RIMS1: variants seen among roughly 807,000 people sequenced by gnomAD.
The protein encoded by RIMS1 is regulating synaptic membrane exocytosis 1.
RIMS1 carries 83 observed loss-of-function variants against 214.1 expected under a neutral mutation model. That is an observed-to-expected ratio of 0.39 (90% CI 0.32 to 0.47). RIMS1 has a LOEUF of 0.47. RIMS1 is among the 20% of genes least tolerant of loss of function. The pLI is 0.99. For synonymous variants in RIMS1, 793 were observed against 786.8 expected (o/e 1.01, Z -0.13); for missense variants, 2,050 against 2,161.8 (o/e 0.95, Z 1.03).
In RIMS1 at chr6:72,333,769, C is replaced by T; in HGVS notation, c.4300C>T (p.Leu1434Phe). Residue 1434 changes from leucine (L) to phenylalanine (F), a missense_variant, in exon 29 of 34, where the codon CTT (leucine) becomes TTT (phenylalanine). Transcript: ENST00000521978. ...AGGTGGAAAGAAACGGAGATCCAGC[C>T]TTAGTGCCAAAGTGGTTGCCATAGT... ...GAGGKKRRSS[L>F]SAKVVAIVSR... The T allele has an allele frequency of 3.8e-6, 6 of 1,599,114 alleles. No individual in the cohort carries two copies. The highest frequency in any genetic ancestry group is 5.1e-6 in the Non-Finnish European group (6 of 1,172,738).
chr6:72,057,146 T>G (rs1826405693), intron 2 of RIMS1, among the ~76,000 whole-genome samples: 1 of 152,176 alleles, frequency 6.6e-6, no homozygotes, highest in Non-Finnish European at 1.5e-5. Flanking sequence ...AACCTGCATT[T>G]GTACCCCAAA....
At chr6:72,023,942 C>CA (rs1015604633) in intron 2 of RIMS1, among the ~76,000 whole-genome samples, 5 of 151,992 alleles carry the variant, frequency 3.3e-5, no homozygotes, top group Admixed American at 2.6e-4. Context: ...TGTAAGCTAA[C>CA]ATGGAAAGGT....
intron 2 of RIMS1, among the ~76,000 whole-genome samples, chr6:72,093,124 A>G (rs1356883233): frequency 2.0e-5 from 3 of 151,594 alleles, no homozygotes; most frequent in South Asian, 2.1e-4. Flanking sequence ...CTCCGCCACT[A>G]GCTTAAGAAA....
At chr6:72,065,256 G>A (rs1003994738) in intron 2 of RIMS1, among the ~76,000 whole-genome samples, 1 of 152,082 alleles carries the variant, frequency 6.6e-6, no homozygotes, top group Non-Finnish European at 1.5e-5. Context: ...CAAGGCTCCT[G>A]TCTCATCTGC....
In RIMS1 at chr6:72,242,448, A is replaced by G. The variant is rs1232070621; in HGVS notation, c.2081+11A>G. The G allele has an allele frequency of 6.5e-7, 1 of 1,530,454 alleles. No homozygotes were observed. The highest frequency in any genetic ancestry group is 2.2e-5 in the Admixed American group (1 of 46,340). The allele number at this position is 1,530,454 out of a possible 1,614,324, so 94.8% of individuals were successfully genotyped here. A position where few individuals can be genotyped will look rare whatever the true frequency, so the allele number is the denominator to read the frequency against. On this transcript the variant is annotated intron_variant, in intron 10 of 33. Coordinates refer to ENST00000521978, the MANE Select transcript of RIMS1 (RefSeq NM_014989.7). The stretch of plus-strand genomic sequence containing the variant: ...TTCAAGGCCTATTGGGTAAGGCTAA[A>G]AAAACTTACTTCTTAAGTTTAGTAA...
intron 2 of RIMS1, among the ~76,000 whole-genome samples, chr6:72,046,878 T>G (rs1211776350): frequency 1.3e-5 from 2 of 152,114 alleles, no homozygotes; most frequent in Non-Finnish European, 2.9e-5. Flanking sequence ...TATAAAAAAC[T>G]ACAATAATAC....
chr6:72,396,262 C>T (rs1002137201), intron 31 of RIMS1, among the ~76,000 whole-genome samples: 4 of 151,994 alleles, frequency 2.6e-5, no homozygotes, highest in Admixed American at 6.6e-5. Context: ...TATCTGTTAA[C>T]GTTTCTACAA....
chr6:72,205,994 G>T (rs2052838099), intron 6 of RIMS1, among the ~76,000 whole-genome samples: 1 of 152,064 alleles, frequency 6.6e-6, no homozygotes, highest in African/African-American at 2.4e-5. Flanking sequence ...TTACATATGT[G>T]CACAGAGAAC....
intron 2 of RIMS1, among the ~76,000 whole-genome samples, chr6:71,973,951 G>A (rs1469147876): frequency 2.0e-5 from 3 of 151,266 alleles, no homozygotes; most frequent in Admixed American, 6.6e-5. Context: ...ATAGAGCAAG[G>A]GGGCACTAGC....
At chr6:72,339,509 C>A (rs939807195) in intron 29 of RIMS1, among the ~76,000 whole-genome samples, 5 of 151,868 alleles carry the variant, frequency 3.3e-5, no homozygotes, top group African/African-American at 1.2e-4. Context: ...GTTCAATTCC[C>A]AGCTGTGAGT....
At chr6:72,365,499 T>C (rs1183976415) in intron 29 of RIMS1, among the ~76,000 whole-genome samples, 1 of 152,204 alleles carries the variant, frequency 6.6e-6, no homozygotes, top group Non-Finnish European at 1.5e-5. Flanking sequence ...TCACTTGCAG[T>C]TTTGAGGCAG....
At chr6:72,111,698 T>G (rs2036120296) in intron 4 of RIMS1, among the ~76,000 whole-genome samples, 1 of 152,178 alleles carries the variant, frequency 6.6e-6, no homozygotes, top group Non-Finnish European at 1.5e-5. Context: ...TTGAAAAGTC[T>G]ATGAAAGATG....
chr6:71,900,900 A>G (rs1423956845), intron 1 of RIMS1, among the ~76,000 whole-genome samples: 2 of 152,120 alleles, frequency 1.3e-5, no homozygotes, highest in Non-Finnish European at 2.9e-5. Context: ...AGACAATAAG[A>G]AAGCCTAGGA....
intron 24 of RIMS1, among the ~76,000 whole-genome samples, chr6:72,289,802 C>T (rs1179297202): frequency 6.6e-6 from 1 of 151,940 alleles, no homozygotes; most frequent in Non-Finnish European, 1.5e-5. Flanking sequence ...GATGAGGTAT[C>T]ATTTTATTCT....
At chr6:71,978,108 G>A (rs1255962883) in intron 2 of RIMS1, among the ~76,000 whole-genome samples, 1 of 152,126 alleles carries the variant, frequency 6.6e-6, no homozygotes, top group East Asian at 1.9e-4. Context: ...CAGAGAAGAG[G>A]AACTTCTGTG....
rs529902483 is a variant in RIMS1, at chr6:72,090,600, G to C, written c.246-6349G>C. ...ATCAAAAAGGCAGTTTCACTAAAAG[G>C]GGGACAATTGTGTTGTGGGGACAAC... On this transcript the variant is annotated intron_variant, in intron 2 of 33. Transcript: ENST00000521978. Among the ~76,000 whole-genome samples, 12 of 152,088 alleles carry C rather than the reference G, an allele frequency of 7.9e-5. No individual in the cohort carries two copies. The East Asian group carries it at 2.3e-3, about 29-fold the overall frequency.
chr6:71,908,866 T>C (rs1776078015), intron 1 of RIMS1, among the ~76,000 whole-genome samples: 1 of 152,320 alleles, frequency 6.6e-6, no homozygotes, highest in South Asian at 2.1e-4. Flanking sequence ...TGAGTAAAAG[T>C]GTTTGTTTTG....
At chr6:72,240,547 G>A (rs1332093001) in intron 9 of RIMS1, among the ~76,000 whole-genome samples, 2 of 149,292 alleles carry the variant, frequency 1.3e-5, no homozygotes, top group Non-Finnish European at 3.0e-5. Context: ...ACAGGATCAT[G>A]ATGTCAACTT....
chr6:72,318,995 G>C (rs2154307328), intron 28 of RIMS1, among the ~76,000 whole-genome samples: 1 of 152,086 alleles, frequency 6.6e-6, no homozygotes, highest in South Asian at 2.1e-4. Flanking sequence ...GCCAGAAATA[G>C]TTCATATTTG....
Sources: allele counts gnomAD v4.1 joint callset (sites outside exome capture counted in the v4.1 genomes callset), GRCh38; gene constraint gnomAD v4.1.1; transcripts MANE v1.5; gene names NCBI Gene and HGNC (gene_info 2026-07-23, HGNC 2026-07-21).